SFMBT2: variants seen among roughly 807,000 people sequenced by gnomAD.
SFMBT2 encodes Scm like with four mbt domains 2.
A neutral mutation model predicts 110.1 loss-of-function variants in SFMBT2; 38 were observed. The ratio of observed to expected loss-of-function variants is 0.35; its 90% confidence interval spans 0.27 to 0.45. SFMBT2 has a LOEUF of 0.45. Ranked by LOEUF, SFMBT2 falls within the 20% of genes least tolerant of loss-of-function variation. The pLI is 1.00. For synonymous variants in SFMBT2, 425 were observed against 425.4 expected (o/e 1.00, Z 0.01); for missense variants, 1,011 against 1,094.9 (o/e 0.92, Z 1.08).
rs539285891 is a variant in SFMBT2 at position 7,170,473 on chromosome 10, C to T, written c.2544+455G>A. Among the ~76,000 whole-genome samples, 1 of 152,302 alleles carries T rather than the reference C, an allele frequency of 6.6e-6. No individual in the cohort carries two copies. The highest frequency in any genetic ancestry group is 6.5e-5 in the Admixed American group (1 of 15,302). On this transcript the variant is annotated intron_variant, in intron 20 of 20. Transcript: ENST00000397167. This position sits in a 1 kb window ranked among gnomAD's most constrained non-coding sequence, Gnocchi z 4.6. The stretch of plus-strand genomic sequence containing the variant: ...GTGCTATCCTGACTTCCGGCCTGGC[C>T]AGGTGGCAACTGGGCACCCCATCCC...
At chr10:7,208,198 T>A (rs1473107540) in intron 11 of SFMBT2, among the ~76,000 whole-genome samples, 2 of 151,974 alleles carry the variant, frequency 1.3e-5, no homozygotes, top group East Asian at 3.9e-4. Context: ...TCCTGAAGGG[T>A]GTGGGATTGA....
chr10:7,405,946 AC>A (rs1470244325), intron 1 of SFMBT2, among the ~76,000 whole-genome samples: 1 of 145,438 alleles, frequency 6.9e-6, no homozygotes, highest in Non-Finnish European at 1.5e-5. Context: ...TAATTTCCCA[AC>A]TTTTTTTTTT....
At chr10:7,401,581 G>T (rs755920522) in intron 1 of SFMBT2, among the ~76,000 whole-genome samples, 6 of 152,164 alleles carry the variant, frequency 3.9e-5, no homozygotes, top group Non-Finnish European at 8.8e-5. Flanking sequence ...GAAAGTAAAC[G>T]TTGCCCTCTG....
chr10:7,259,218 G>A (rs1841122929), intron 7 of SFMBT2, among the ~76,000 whole-genome samples: 1 of 152,150 alleles, frequency 6.6e-6, no homozygotes, highest in African/African-American at 2.4e-5. Context: ...GCCCTTCCCA[G>A]ACACCAACGT....
In SFMBT2 at chr10:7,408,269, C is replaced by A. The variant is rs1367463110; in HGVS notation, c.-52+2592G>T. 6.6e-6 allele frequency among the ~76,000 whole-genome samples: 1 copy of A among 152,218 alleles called. No individual in the cohort carries two copies. Among genetic ancestry groups the A allele is most frequent in the South Asian group, 2.1e-4 (1 of 4,836 alleles). ...AAACGCAGGCTGGAGGAGCCACGGA[C>A]GCGTCCTGGCCGGCGTGTCGCCATC... On this transcript the variant is annotated intron_variant, in intron 1 of 20. Coordinates refer to ENST00000397167, the MANE Select transcript of SFMBT2 (RefSeq NM_001387889.1). This position sits in a 1 kb window ranked among gnomAD's most constrained non-coding sequence, Gnocchi z 5.7.
chr10:7,255,199 G>C (rs1387819331), intron 7 of SFMBT2, among the ~76,000 whole-genome samples: 2 of 152,330 alleles, frequency 1.3e-5, no homozygotes, highest in South Asian at 2.1e-4. Flanking sequence ...CAAGGACAGA[G>C]AGAGTTCCTG....
At chr10:7,266,597 C>T (rs746675656) in intron 7 of SFMBT2, among the ~76,000 whole-genome samples, 4 of 152,196 alleles carry the variant, frequency 2.6e-5, no homozygotes, top group Non-Finnish European at 5.9e-5. Context: ...AGGCATCCCG[C>T]CCTGATGAGA....
At chr10:7,212,117 G>A (rs112340812) in intron 11 of SFMBT2, among the ~76,000 whole-genome samples, 6 of 152,214 alleles carry the variant, frequency 3.9e-5, no homozygotes, top group Non-Finnish European at 8.8e-5. Context: ...CTAGGTCTGG[G>A]AGAAATGTGC....
In SFMBT2 at chr10:7,293,288, C is replaced by T. The variant is rs1564425432; in HGVS notation, c.437-7334G>A. ...TAATTTTTGTATTTTTAGAAGACAC[C>T]GGGTTTCACCATGTTGGCCAGGCTG... On this transcript the variant is annotated intron_variant, in intron 4 of 20. Transcript: ENST00000397167. The surrounding 1 kb of genome is among the most constrained non-coding windows in gnomAD (Gnocchi z 4.6). 6.6e-6 allele frequency among the ~76,000 whole-genome samples: 1 copy of T among 151,968 alleles called. No individual in the cohort carries two copies. The highest frequency in any genetic ancestry group is 1.5e-5 in the Non-Finnish European group (1 of 67,998).
intron 1 of SFMBT2, among the ~76,000 whole-genome samples, chr10:7,390,875 G>A (rs1845743726): frequency 6.6e-6 from 1 of 152,222 alleles, no homozygotes; most frequent in African/African-American, 2.4e-5. Context: ...TGAAGCAGAA[G>A]GATCACCTGA....
intron 12 of SFMBT2, chr10:7,203,582 G>A: frequency 5.3e-6 from 3 of 570,876 alleles, no homozygotes; most frequent in Non-Finnish European, 2.2e-6. Context: ...AAGAGGGGAG[G>A]AAGAGGATCT....
chr10:7,192,808 T>G (rs1838640281), intron 15 of SFMBT2, among the ~76,000 whole-genome samples: 1 of 152,136 alleles, frequency 6.6e-6, no homozygotes, highest in African/African-American at 2.4e-5. Context: ...CGTCTCTGAC[T>G]CAGGGCCGGG....
chr10:7,278,466 G>A (rs1365986211), intron 6 of SFMBT2, among the ~76,000 whole-genome samples: 1 of 152,148 alleles, frequency 6.6e-6, no homozygotes, highest in African/African-American at 2.4e-5. Context: ...GGACCCCGGG[G>A]AGCAAAGCCC....
intron 9 of SFMBT2, among the ~76,000 whole-genome samples, chr10:7,237,533 T>C (rs1370465960): frequency 1.3e-5 from 2 of 152,104 alleles, no homozygotes; most frequent in Non-Finnish European, 1.5e-5. Context: ...CATAAAAGCA[T>C]GTAATCTTTA....
At chr10:7,290,878 C>T (rs1338584226) in intron 4 of SFMBT2, among the ~76,000 whole-genome samples, 1 of 152,138 alleles carries the variant, frequency 6.6e-6, no homozygotes, top group Non-Finnish European at 1.5e-5. Context: ...AAATTGAGTC[C>T]CATATAAAGG....
chr10:7,190,470 CA>C (rs1838563767), intron 15 of SFMBT2, among the ~76,000 whole-genome samples: 1 of 152,208 alleles, frequency 6.6e-6, no homozygotes, highest in Non-Finnish European at 1.5e-5. Flanking sequence ...TGGGAGCAGG[CA>C]GCAATTAAAT....
intron 12 of SFMBT2, chr10:7,203,688 TGCTGGC>T (rs1839030572): frequency 1.0e-6 from 1 of 984,752 alleles, no homozygotes; most frequent in Admixed American, 6.2e-5. Flanking sequence ...CTATTGGCCA[TGCTGGC>T]TGAGCAAGGT....
At chr10:7,268,646 G>C (rs1384878290) in intron 7 of SFMBT2, among the ~76,000 whole-genome samples, 1 of 152,068 alleles carries the variant, frequency 6.6e-6, no homozygotes, top group South Asian at 2.1e-4. Flanking sequence ...GAGTAGCTGG[G>C]ATCACAGGTG....
At chr10:7,343,250 C>T (rs1206556183) in intron 4 of SFMBT2, among the ~76,000 whole-genome samples, 1 of 151,910 alleles carries the variant, frequency 6.6e-6, no homozygotes, top group African/African-American at 2.4e-5. Flanking sequence ...GCGTAGTATT[C>T]CATGGTGTAT....
Sources: allele counts gnomAD v4.1 joint callset (sites outside exome capture counted in the v4.1 genomes callset), GRCh38; gene constraint gnomAD v4.1.1; non-coding constraint Gnocchi (gnomAD v3.1); transcripts MANE v1.5; gene names NCBI Gene and HGNC (gene_info 2026-07-23, HGNC 2026-07-21).